PODNL1: variants seen among roughly 807,000 people sequenced by gnomAD.
PODNL1 encodes podocan-like protein 1.
PODNL1 carries 50 observed loss-of-function variants against 45.1 expected under a neutral mutation model. That is an observed-to-expected ratio of 1.11 (90% CI 0.88 to 1.40). The LOEUF (loss-of-function observed/expected upper bound fraction) is 1.40, where lower values mean the gene tolerates loss of function less well. Among genes scored for constraint, PODNL1 ranks in the 40% most tolerant of loss-of-function variants. PODNL1 has a pLI of 0.00. For missense variants in PODNL1, 788 were observed against 793.3 expected (o/e 0.99, Z 0.08); for synonymous variants, 406 against 372.5 (o/e 1.09, Z -1.04).
intron 1 of PODNL1, among the ~76,000 whole-genome samples, chr19:13,952,326 A>T (rs1449671906): frequency 6.6e-6 from 1 of 152,220 alleles, no homozygotes; most frequent in Non-Finnish European, 1.5e-5. Context: ...GGAATACGGC[A>T]ACGGGCCGCG....
rs562390163 is a variant in PODNL1, at chr19:13,931,825, C to T, written c.1637G>A (p.Arg546His). Residue 546 changes from arginine to histidine, a missense_variant, in exon 10 of 10, where the codon CGT becomes CAT. Physicochemically the swap from Arg to His is conservative, Grantham distance 29. This residue lies in a region of PODNL1 where 9 missense variants were observed against 25.6 expected (regional missense o/e 0.35). Transcript: ENST00000588872. ...CGGATTCCCTGCCGTGTCCACCACACGCAGGTTTGGGAGCCCCAGGAAGGC... is the reference window on the plus strand; with the variant it reads ...CGGATTCCCTGCCGTGTCCACCACATGCAGGTTTGGGAGCCCCAGGAAGGC... ...AEAFLGLPNL[R>H]VVDTAGNPEQ... The T allele has an allele frequency of 3.0e-5, 37 of 1,231,930 alleles. No homozygotes were observed. The highest frequency in any genetic ancestry group is 3.1e-4 in the Middle Eastern group (1 of 3,208). 76.3% of individuals were successfully genotyped at this position (1,231,930 alleles called of 1,614,324 possible).
At position 13,950,539 on chromosome 19, in the gene PODNL1, G is replaced by A. The variant is rs560427255; in HGVS notation, c.18+2580C>T. Among the ~76,000 whole-genome samples, 10 of 152,266 alleles carry A rather than the reference G, an allele frequency of 6.6e-5. No homozygotes were observed. In the South Asian group the frequency reaches 2.1e-3, roughly 32 times the overall value. On this transcript the variant is annotated intron_variant, in intron 1 of 7. Transcript: ENST00000538371. ...TGATGTTGTCTAATGGTTAGATTGA[G>A]GTTCTAGGTTTGGGGATAATATCAG...
intron 1 of PODNL1, among the ~76,000 whole-genome samples, chr19:13,947,056 A>C (rs1271482990): frequency 6.7e-6 from 1 of 149,592 alleles, no homozygotes; most frequent in African/African-American, 2.5e-5. Context: ...CAAAAAAACA[A>C]AAAAAAAACA....
chr19:13,938,341 G>A lies in PODNL1; in HGVS notation c.-160C>T. On this transcript the variant is annotated 5_prime_UTR_variant, in exon 1 of 10. Coordinates refer to ENST00000588872, the MANE Select transcript of PODNL1 (RefSeq NM_001370095.3). ...CAGCCTGTTCTCCCGGGGCTTTGGG[G>A]GAGCTGGCCCACCCCCTTCCCCGCC... 1 of 1,423,338 alleles carries A rather than the reference G, an allele frequency of 7.0e-7. No individual in the cohort carries two copies. The highest frequency in any genetic ancestry group is 9.2e-7 in the Non-Finnish European group (1 of 1,086,708). The allele number at this position is 1,423,338 out of a possible 1,614,324, so 88.2% of individuals were successfully genotyped here.
At chr19:13,932,646 T>C in intron 8 of PODNL1, 152 bp downstream of exon 8, 2 of 1,539,560 alleles carry the variant, frequency 1.3e-6, no homozygotes, top group Non-Finnish European at 1.8e-6. Flanking sequence ...ATGAGCCACC[T>C]CACCCAGCCT....
chr19:13,940,210 A>C (rs1346491852), upstream of PODNL1, among the ~76,000 whole-genome samples: 3 of 151,936 alleles, frequency 2.0e-5, no homozygotes, highest in Admixed American at 2.0e-4. Context: ...GATGGCTCTA[A>C]GCCCAGGAGT....
chr19:13,939,543 C>A (rs1395583026), upstream of PODNL1, among the ~76,000 whole-genome samples: 1 of 151,882 alleles, frequency 6.6e-6, no homozygotes, highest in African/African-American at 2.4e-5. Context: ...GAATTTGAGA[C>A]CAGACTGGGC....
At chr19:13,939,681 G>A (rs1422836701), upstream of PODNL1, among the ~76,000 whole-genome samples, 1 of 151,852 alleles carries the variant, frequency 6.6e-6, no homozygotes, top group Non-Finnish European at 1.5e-5. Context: ...GAGGTCAGGA[G>A]TTCCAGAGCA....
intron 1 of PODNL1, among the ~76,000 whole-genome samples, chr19:13,950,553 G>C (rs1972964540): frequency 6.6e-6 from 1 of 152,146 alleles, no homozygotes; most frequent in Non-Finnish European, 1.5e-5. Context: ...CTAGGTTTGG[G>C]GATAATATCA....
At chr19:13,940,611 G>A (rs982483952), upstream of PODNL1, among the ~76,000 whole-genome samples, 9 of 150,350 alleles carry the variant, frequency 6.0e-5, no homozygotes, top group African/African-American at 1.7e-4. Flanking sequence ...GGCCAGGCGC[G>A]GTAGCTCACA....
Position 13,933,459 on chromosome 19 carries a change from G to T in PODNL1, c.768-4C>A, listed in dbSNP as rs576049307. ...GTATTCAAGGCTATGCAGCTTGCTGGAAGGAGAGAGGGTCGGTGTTAGGTG... is the reference window on the plus strand; with the variant it reads ...GTATTCAAGGCTATGCAGCTTGCTGTAAGGAGAGAGGGTCGGTGTTAGGTG... On this transcript the variant is annotated splice_region_variant and splice_polypyrimidine_tract_variant and intron_variant, in intron 7 of 9. Coordinates refer to ENST00000588872, the MANE Select transcript of PODNL1 (RefSeq NM_001370095.3). This position sits in a 1 kb window ranked among gnomAD's most constrained non-coding sequence, Gnocchi z 5.2. 5.1e-6 allele frequency: 8 copies of T among 1,554,996 alleles called. No homozygotes were observed. The East Asian group carries it at 1.4e-4, about 26-fold the overall frequency.
chr19:13,952,641 C>A (rs938758982), intron 1 of PODNL1: 1 of 1,275,438 alleles, frequency 7.8e-7, no homozygotes, highest in South Asian at 2.9e-5. Flanking sequence ...TGGAGCGGGT[C>A]AAGGTGAGGC....
chr19:13,934,368 C>T lies in PODNL1; in HGVS notation c.537G>A (p.Leu179=). Residue 179 remains leucine (L), a synonymous_variant, in exon 6 of 10, where the codon CTG becomes CTA. Transcript: ENST00000588872. ...LHNNQLSNAG[L]PPDAFRGSEA... ...CGGAGCCGCGGAAGGCGTCGGGGGG[C>T]AGGCCAGCGTTGCTCAGCTGGTTGT... is the stretch of plus-strand genomic sequence containing the variant. 6.4e-7 allele frequency: 1 copy of T among 1,553,518 alleles called. No individual in the cohort carries two copies. The highest frequency in any genetic ancestry group is 1.3e-5 in the African/African-American group (1 of 74,080).
intron 5 of PODNL1, 121 bp from the exon 6 acceptor site, chr19:13,934,531 G>C: frequency 1.4e-5 from 14 of 971,846 alleles, no homozygotes; most frequent in Non-Finnish European, 2.0e-5. Context: ...GTGTGTGCGC[G>C]CGCATGTGTG....
At chr19:13,942,851 A>T (rs1972696973), upstream of PODNL1, among the ~76,000 whole-genome samples, 1 of 151,744 alleles carries the variant, frequency 6.6e-6, no homozygotes, top group Non-Finnish European at 1.5e-5. Context: ...AACAAAAAAA[A>T]TTAGCTGTGT....
chr19:13,936,645 C>A (rs1268222286), intron 2 of PODNL1, among the ~76,000 whole-genome samples, 185 bp from the exon 3 acceptor site: 1 of 150,856 alleles, frequency 6.6e-6, no homozygotes, highest in East Asian at 2.0e-4. Flanking sequence ...CCCAAACCCC[C>A]ACAATCGACC....
chr19:13,932,206 C>G, intron 8 of PODNL1, 94 bp from the exon 9 acceptor site: 1 of 1,236,042 alleles, frequency 8.1e-7, no homozygotes, highest in Non-Finnish European at 1.0e-6. Context: ...CCCCTGCCCC[C>G]TTCATACCAG....
chr19:13,952,694 G>T, intron 1 of PODNL1: 4 of 1,186,842 alleles, frequency 3.4e-6, no homozygotes, highest in Non-Finnish European at 3.1e-6. Context: ...GGGGAGTAGG[G>T]ACGAGGGAGG....
At chr19:13,937,724 C>A (rs1972465291) in intron 2 of PODNL1, 61 bp downstream of exon 2, 1 of 1,483,276 alleles carries the variant, frequency 6.7e-7, no homozygotes, top group East Asian at 2.5e-5. Context: ...GGCACCCCTC[C>A]AGCTCCCCTC....
Sources: allele counts gnomAD v4.1 joint callset (sites outside exome capture counted in the v4.1 genomes callset), GRCh38; gene constraint gnomAD v4.1.1; regional missense constraint gnomAD v4.1.1; non-coding constraint Gnocchi (gnomAD v3.1); transcripts MANE v1.5; gene names NCBI Gene and HGNC (gene_info 2026-07-23, HGNC 2026-07-21).